Variants in CSF2RA observed in about 807,000 individuals in gnomAD.
CSF2RA encodes granulocyte-macrophage colony-stimulating factor receptor subunit alpha.
CSF2RA carries 42 observed loss-of-function variants against 51.6 expected under a neutral mutation model. The observed-to-expected ratio is 0.81, with a 90% CI of 0.64 to 1.05. The LOEUF (loss-of-function observed/expected upper bound fraction) is 1.05. Among genes scored for constraint, CSF2RA ranks in the 50% least tolerant of loss-of-function variants. The pLI is 0.00. For synonymous variants in CSF2RA, 222 were observed against 193.0 expected, an observed-to-expected ratio of 1.15 and a Z score of -1.24; for missense variants, 530 against 501.1, an observed-to-expected ratio of 1.06 and a Z score of -0.55.
chrX:1,283,943 G>A (rs1161248571), intron 3 of CSF2RA, among the ~76,000 whole-genome samples: 8 of 152,024 alleles, frequency 5.3e-5, no homozygotes, highest in East Asian at 3.9e-4. Flanking sequence ...TTTGATTTGC[G>A]TTTCCGGGAG....
intron 4 of CSF2RA, among the ~76,000 whole-genome samples, chrX:1,287,713 G>A (rs2090913025): frequency 1.5e-5 from 2 of 136,244 alleles, no homozygotes; most frequent in Non-Finnish European, 3.2e-5. Flanking sequence ...CAGAGTGCTG[G>A]CATTACAGGT....
At chrX:1,275,961 G>A (rs1267200109) in intron 2 of CSF2RA, among the ~76,000 whole-genome samples, 3 of 151,852 alleles carry the variant, frequency 2.0e-5, no homozygotes, top group African/African-American at 7.3e-5. Flanking sequence ...CCAAAGTGCT[G>A]GGATTACAGG....
chrX:1,277,077 A>T (rs1291797416), intron 2 of CSF2RA, among the ~76,000 whole-genome samples: 2 of 150,822 alleles, frequency 1.3e-5, no homozygotes, highest in Non-Finnish European at 3.0e-5. Flanking sequence ...CCAGCCTGGG[A>T]GACAGAGCGA....
In CSF2RA at chrX:1,309,610, G is replaced by C. The variant is rs749545372; in HGVS notation, c.*131G>C. The C allele has an allele frequency of 1.9e-5, 30 of 1,611,872 alleles. No individual in the cohort carries two copies. The highest frequency in any genetic ancestry group is 2.4e-5 in the Non-Finnish European group (28 of 1,178,186). ...TTTAAAAACATGACATTTGGGGCCA[G>C]GCGCGGTGGCTCACGCCTGTAATCC... On this transcript the variant is annotated 3_prime_UTR_variant, in exon 13 of 13. Coordinates refer to ENST00000381529, the MANE Select transcript of CSF2RA (RefSeq NM_172245.4).
intron 4 of CSF2RA, 80 bp downstream of exon 4, chrX:1,286,000 C>T (rs1366089813): frequency 6.8e-5 from 107 of 1,578,214 alleles, no homozygotes; most frequent in Admixed American, 1.3e-4. Context: ...CGGCTGGGCG[C>T]GGCGGCTCAC....
chrX:1,288,270 T>A (rs1401465876), intron 4 of CSF2RA, among the ~76,000 whole-genome samples: 1 of 147,626 alleles, frequency 6.8e-6, no homozygotes, highest in East Asian at 2.1e-4. Context: ...TCACCTGAGG[T>A]CAGGAGTTTG....
chrX:1,306,083 A>C (rs1199790078), intron 12 of CSF2RA: 2 of 361,816 alleles, frequency 5.5e-6, no homozygotes, highest in Non-Finnish European at 1.0e-5. Flanking sequence ...CTCCATCTCA[A>C]AAGAAAAAAG....
intron 6 of CSF2RA, among the ~76,000 whole-genome samples, chrX:1,289,409 G>A (rs186730881): frequency 6.6e-5 from 10 of 152,248 alleles, no homozygotes; most frequent in African/African-American, 1.7e-4. Flanking sequence ...GATTACAGGC[G>A]TGAGCCACTG....
At chrX:1,313,326 C>G (rs1455281068), downstream of CSF2RA, among the ~76,000 whole-genome samples, 1 of 151,690 alleles carries the variant, frequency 6.6e-6, no homozygotes, top group South Asian at 2.1e-4. Flanking sequence ...CCCAGCTACT[C>G]AGGAGGCTGA....
chrX:1,286,504 G>C (rs763143491), intron 4 of CSF2RA, among the ~76,000 whole-genome samples: 67 of 149,750 alleles, frequency 4.5e-4, no homozygotes, highest in African/African-American at 1.5e-3. Flanking sequence ...GGGAGGCGGA[G>C]GTTGCGGTGA....
At chrX:1,320,052 C>T in the CSF2RA span, among the ~76,000 whole-genome samples, 70 of 151,944 alleles carry the variant, frequency 4.6e-4, no homozygotes, top group Non-Finnish European at 6.8e-4. Flanking sequence ...CCCGCCACCA[C>T]GCCTGGCTAA....
At chrX:1,308,001 C>T (rs1226866119) in intron 12 of CSF2RA, among the ~76,000 whole-genome samples, 1 of 150,890 alleles carries the variant, frequency 6.6e-6, no homozygotes, top group African/African-American at 2.4e-5. Flanking sequence ...AAGGCCCACC[C>T]CCTTTAGACC....
chrX:1,325,042 T>C, the CSF2RA span, among the ~76,000 whole-genome samples: 1 of 151,642 alleles, frequency 6.6e-6, no homozygotes, highest in Non-Finnish European at 1.5e-5. Flanking sequence ...TCCAGAGAGG[T>C]GTACCTGGTG....
At chrX:1,286,019 T>C in intron 4 of CSF2RA, 99 bp downstream of exon 4, 2 of 1,422,418 alleles carry the variant, frequency 1.4e-6, no homozygotes, top group Middle Eastern at 1.9e-4. Flanking sequence ...ACGCCTGTCA[T>C]CCCAGCACTT....
rs1169643064 is a variant in CSF2RA, at chrX:1,274,738, T to C, written c.-90-17T>C. On this transcript the variant is annotated splice_polypyrimidine_tract_variant and intron_variant, in intron 1 of 12. Coordinates refer to ENST00000381529, the MANE Select transcript of CSF2RA (RefSeq NM_172245.4). ...TTTCATGATTTTGGGGTCCTGAGAC[T>C]TATTTACCTTTCACAGTTTACAGCA... 2.2e-6 allele frequency: 1 copy of C among 453,240 alleles called. No individual in the cohort carries two copies. The highest frequency in any genetic ancestry group is 2.4e-5 in the Admixed American group (1 of 42,330). The allele number at this position is 453,240 out of a possible 1,614,324, so 28.1% of individuals were successfully genotyped here.
chrX:1,298,663 CCCTACTCACGACCCCTACACTCT>C lies in CSF2RA; in HGVS notation c.811-1822_811-1800del, dbSNP rs781297186. On this transcript the variant is annotated intron_variant, in intron 9 of 12. Transcript: ENST00000381529. The stretch of plus-strand genomic sequence containing the variant: ...TGACCCCTGGTGGAACCCTACAGTC[CCCTACTCACGACCCCTACACTCT>C]CCTACCCATGACCTCTGGTGGAACC... Among the ~76,000 whole-genome samples the C allele has an allele frequency of 4.5e-3, 33 of 7,308 alleles. No homozygotes were observed. The South Asian group carries it at 0.14, about 31-fold the overall frequency. 4.8% of individuals were successfully genotyped at this position (7,308 alleles called of 152,430 possible).
intron 7 of CSF2RA, among the ~76,000 whole-genome samples, chrX:1,291,787 GGT>G (rs2091426526): frequency 6.6e-6 from 1 of 150,458 alleles, no homozygotes; most frequent in Non-Finnish European, 1.5e-5. Flanking sequence ...TAGACAAAGA[GGT>G]GTCCCTACTC....
chrX:1,290,308 T>G, intron 6 of CSF2RA, 29 bp from the exon 7 acceptor site: 1 of 1,587,706 alleles, frequency 6.3e-7, no homozygotes, highest in Non-Finnish European at 8.6e-7. Flanking sequence ...TTTTCCTGAT[T>G]GCTCTCTGAG....
chrX:1,300,639 C>G lies in CSF2RA; in HGVS notation c.946+13C>G. On this transcript the variant is annotated intron_variant, in intron 10 of 12. Transcript: ENST00000381529. ...GCCATTGAATTTGGTAAGCGTTGGG[C>G]GGAGGTAAGGGATGTTTGTGCCGTC... 1 of 1,613,770 alleles carries G rather than the reference C, an allele frequency of 6.2e-7. No individual in the cohort carries two copies. Among genetic ancestry groups the G allele is most frequent in the Non-Finnish European group, 8.5e-7 (1 of 1,179,846 alleles).
Sources: allele counts gnomAD v4.1 joint callset (sites outside exome capture counted in the v4.1 genomes callset), GRCh38; gene constraint gnomAD v4.1.1; transcripts MANE v1.5; gene names NCBI Gene and HGNC (gene_info 2026-07-23, HGNC 2026-07-21).